SPTBN5: variants seen among roughly 807,000 people sequenced by gnomAD.
The protein encoded by SPTBN5 is spectrin beta, non-erythrocytic 5.
A neutral mutation model predicts 477.6 loss-of-function variants in SPTBN5; 513 were observed. That is an observed-to-expected ratio of 1.07 (90% CI 1.00 to 1.16). The LOEUF is 1.16. Ranked by LOEUF, SPTBN5 falls within the 50% of genes most tolerant of loss-of-function variation. SPTBN5 has a pLI of 0.00. For missense variants in SPTBN5, 5,062 were observed against 4,731.8 expected (o/e 1.07, Z -2.05); for synonymous variants, 2,169 against 2,011.7 (o/e 1.08, Z -2.09).
Position 41,851,295 on chromosome 15 carries a change from C to T in SPTBN5, c.10731G>A (p.Arg3577=). The change falls in exon 64 of 68, where the codon AGG becomes AGA. Residue 3577 remains arginine (R), a synonymous_variant. Transcript: ENST00000320955. The part of the protein sequence containing the change: ...GSSLSLFLDE[R]MAAEKVASIA... ...CCCCGCCTGGTACCTCCGCTGCCAT[C>T]CTCTCATCCAGGAACAGGCTCAGAG... The T allele has an allele frequency of 6.4e-7, 1 of 1,551,276 alleles. No homozygotes were observed. The highest frequency in any genetic ancestry group is 8.7e-7 in the Non-Finnish European group (1 of 1,147,024).
chr15:41,861,951 G>A, intron 44 of SPTBN5, 28 bp from the exon 45 acceptor site: 3 of 1,583,946 alleles, frequency 1.9e-6, no homozygotes, highest in East Asian at 2.3e-5. Context: ...TCAGATCACT[G>A]GGGGCTGGAA....
In SPTBN5 at chr15:41,856,529, C is replaced by T; in HGVS notation, c.8878G>A (p.Val2960Met). Reference protein sequence around the residue: ...RVVLGTGYKLVQAGHFAAHEV... With the variant: ...RVVLGTGYKLMQAGHFAAHEV... Reference sequence around the variant, plus strand: ...TGGGCGGCAAAGTGCCCAGCCTGCACCAGCTTGTACCCAGTGCCCAGCACC... The same window carrying T: ...TGGGCGGCAAAGTGCCCAGCCTGCATCAGCTTGTACCCAGTGCCCAGCACC... The change falls in exon 53 of 68, where the codon GTG (valine) becomes ATG (methionine). Residue 2960 changes from valine to methionine, a missense_variant. Val to Met is a conservative substitution (Grantham distance 21). Coordinates refer to ENST00000320955, the MANE Select transcript of SPTBN5 (RefSeq NM_016642.4). 1 of 1,602,062 alleles carries T rather than the reference C, an allele frequency of 6.2e-7. No individual in the cohort carries two copies. The highest frequency in any genetic ancestry group is 2.3e-5 in the East Asian group (1 of 44,394).
chr15:41,882,756 C>A lies in SPTBN5; in HGVS notation c.1893-18G>T. 6.2e-7 allele frequency: 1 copy of A among 1,603,856 alleles called. No individual in the cohort carries two copies. Among genetic ancestry groups the A allele is most frequent in the Non-Finnish European group, 8.5e-7 (1 of 1,174,962 alleles). On this transcript the variant is annotated intron_variant, in intron 9 of 67. Coordinates refer to ENST00000320955, the MANE Select transcript of SPTBN5 (RefSeq NM_016642.4). The stretch of plus-strand genomic sequence containing the variant: ...GGGCCCGCCTGAGGGACAATAGGGG[C>A]CACCGAAGGACATGGGGAGTCGTGA...
chr15:41,856,510 G>A lies in SPTBN5; in HGVS notation c.8897C>T (p.Ala2966Val), dbSNP rs1437077231. 6.3e-7 allele frequency: 1 copy of A among 1,599,450 alleles called. No homozygotes were observed. The highest frequency in any genetic ancestry group is 2.3e-5 in the East Asian group (1 of 44,120). ...GYKLVQAGHF[A>V]AHEVAARVQQ... is the part of the protein sequence containing the mutation. Reference sequence around the variant, plus strand: ...CACCCGGGCGGCCACCTCGTGGGCGGCAAAGTGCCCAGCCTGCACCAGCTT... The same window carrying A: ...CACCCGGGCGGCCACCTCGTGGGCGACAAAGTGCCCAGCCTGCACCAGCTT... The change falls in exon 53 of 68, where the codon GCC (alanine) becomes GTC (valine). Residue 2966 changes from alanine to valine, a missense_variant. Transcript: ENST00000320955.
intron 7 of SPTBN5, 107 bp from the exon 8 acceptor site, chr15:41,883,593 T>C: frequency 7.3e-7 from 1 of 1,375,412 alleles, no homozygotes; most frequent in Non-Finnish European, 1.0e-6. Context: ...GAGTCTGACC[T>C]CCATGGCTGG....
rs1052643510 is a variant in SPTBN5 at position 41,869,873 on chromosome 15, G to A, written c.5821C>T (p.Arg1941Trp). The A allele has an allele frequency of 3.9e-6, 6 of 1,552,810 alleles. No homozygotes were observed. In the African/African-American group the frequency reaches 5.5e-5, roughly 14 times the overall value. The change falls in exon 32 of 68, where the codon CGG (arginine) becomes TGG (tryptophan). Residue 1941 changes from arginine (R) to tryptophan (W), a missense_variant. By Grantham distance (101) the Arg-to-Trp change is moderately radical. Transcript: ENST00000320955. ...CGGAAGCGGGCCAGGAGGCGTGCCC[G>A]CTCCAGCTGGGCCCTGCGCTGCTCC... ...RMEQRRAQLE[R>W]ARLLARFRTA...
Position 41,877,239 on chromosome 15 carries a change from C to G in SPTBN5, c.3588G>C (p.Leu1196Phe). The G allele has an allele frequency of 6.2e-7, 1 of 1,614,024 alleles. No individual in the cohort carries two copies. Among genetic ancestry groups the G allele is most frequent in the Non-Finnish European group, 8.5e-7 (1 of 1,179,904 alleles). The change falls in exon 18 of 68, where the codon TTG (leucine) becomes TTC (phenylalanine). Residue 1196 changes from leucine (L) to phenylalanine (F), a missense_variant. Transcript: ENST00000320955. ...GCAGCCACTGCTGCCTCTGCTCCCA[C>G]AAAACCTTCAGCTCCTGGCCCTGCT... ...LGQQGQELKVLWEQRQQWLQE... is the reference protein window; with the variant it reads ...LGQQGQELKVFWEQRQQWLQE...
At position 41,877,297 on chromosome 15, in the gene SPTBN5, T is replaced by C. The variant is rs1567218772; in HGVS notation, c.3530A>G (p.Gln1177Arg). Residue 1177 changes from glutamine to arginine, a missense_variant, in exon 18 of 68, where the codon CAA becomes CGA. Transcript: ENST00000320955. Reference sequence around the variant, plus strand: ...GACCCTCAGAGTGTTGGGCACCTCTTGGGAGTCTGGGCAGTCCAAGGCTGC... The same window carrying C: ...GACCCTCAGAGTGTTGGGCACCTCTCGGGAGTCTGGGCAGTCCAAGGCTGC... ...PMAALDCPDSQEVPNTLRVLG... is the reference protein window; with the variant it reads ...PMAALDCPDSREVPNTLRVLG... The C allele has an allele frequency of 2.5e-6, 4 of 1,613,106 alleles. No homozygotes were observed. The highest frequency in any genetic ancestry group is 1.7e-6 in the Non-Finnish European group (2 of 1,179,608).
At chr15:41,861,601 G>T in intron 45 of SPTBN5, 105 bp from the exon 46 acceptor site, 1 of 1,519,646 alleles carries the variant, frequency 6.6e-7, no homozygotes, top group Non-Finnish European at 9.0e-7. Flanking sequence ...GTCCTGGAAG[G>T]CAGGAGTGCT....
In SPTBN5 at chr15:41,855,421, C is replaced by A; in HGVS notation, c.9226G>T (p.Val3076Leu). The change falls in exon 55 of 68, where the codon GTG becomes TTG. Residue 3076 changes from valine to leucine, a missense_variant. Transcript: ENST00000320955. Reference sequence around the variant, plus strand: ...CGAACTGCCTGCAGCTGGGCTAGCACCTTGGGGCTGTGGGAAGAGAGCGAC... The same window carrying A: ...CGAACTGCCTGCAGCTGGGCTAGCAACTTGGGGCTGTGGGAAGAGAGCGAC... Reference protein sequence around the residue: ...ESRKNPESPKVLAQLQAVREA... With the variant: ...ESRKNPESPKLLAQLQAVREA... 1.2e-6 allele frequency: 2 copies of A among 1,602,076 alleles called. No individual in the cohort carries two copies. Among genetic ancestry groups the A allele is most frequent in the Non-Finnish European group, 1.7e-6 (2 of 1,176,078 alleles).
At chr15:41,886,756 A>G (rs1595512792) in intron 6 of SPTBN5, among the ~76,000 whole-genome samples, 1 of 152,120 alleles carries the variant, frequency 6.6e-6, no homozygotes, top group Non-Finnish European at 1.5e-5. Context: ...CAAATGAGAT[A>G]CCCACCTTGA....
Position 41,868,102 on chromosome 15 carries a change from G to T in SPTBN5, c.6174C>A (p.Cys2058Ter). 1 of 1,602,792 alleles carries T rather than the reference G, an allele frequency of 6.2e-7. No homozygotes were observed. Among genetic ancestry groups the T allele is most frequent in the South Asian group, 1.1e-5 (1 of 89,000 alleles). Residue 2058 changes from cysteine (C) to a stop codon, truncating the protein, a stop_gained, in exon 34 of 68, where the codon TGC becomes TGA. Transcript: ENST00000320955. LOFTEE classifies it high-confidence loss of function. ...CCGCGAGGATCTCCTCCAGGCGGCCGCACTCTCTGAGGAAGAGCTGCTCCT... is the reference window on the plus strand; with the variant it reads ...CCGCGAGGATCTCCTCCAGGCGGCCTCACTCTCTGAGGAAGAGCTGCTCCT... Reference protein sequence around the residue: ...EQQEQLFLRECGRLEEILAAQ... With the variant: ...EQQEQLFLRE
rs1157140531 is a variant in SPTBN5, at chr15:41,848,621, G to T, written c.11020C>A (p.Pro3674Thr). 6.2e-7 allele frequency: 1 copy of T among 1,613,818 alleles called. No individual in the cohort carries two copies. Among genetic ancestry groups the T allele is most frequent in the Non-Finnish European group, 8.5e-7 (1 of 1,179,860 alleles). The change falls in exon 68 of 68, where the codon CCC becomes ACC. Residue 3674 changes from proline to threonine, a missense_variant. Physicochemically the swap from Pro to Thr is conservative, Grantham distance 38. Transcript: ENST00000320955. ...GTGTTGCACTGGGGTTCACCTCAGGGATCAGACCTGTTGGGAAAACGGAAT... is the reference window on the plus strand; with the variant it reads ...GTGTTGCACTGGGGTTCACCTCAGGTATCAGACCTGTTGGGAAAACGGAAT... The part of the protein sequence containing the change: ...ARPGCLLRSD[P>T]
Position 41,868,358 on chromosome 15 carries a change from T to G in SPTBN5, c.6057+40A>C, listed in dbSNP as rs767351681. On this transcript the variant is annotated intron_variant, in intron 33 of 67. Coordinates refer to ENST00000320955, the MANE Select transcript of SPTBN5 (RefSeq NM_016642.4). ...ACCAGGTGGCCAGGCACAGGCTTGG[T>G]CAGCTAGGGTATGTGGGGGCACCAG... is the stretch of plus-strand genomic sequence containing the variant. The G allele has an allele frequency of 7.0e-6, 11 of 1,581,072 alleles. No homozygotes were observed. The East Asian group carries it at 2.5e-4, about 36-fold the overall frequency.
chr15:41,877,688 C>G (rs1229355270), intron 17 of SPTBN5, among the ~76,000 whole-genome samples: 1 of 152,148 alleles, frequency 6.6e-6, no homozygotes, highest in Non-Finnish European at 1.5e-5. Context: ...AGAAAAGGTG[C>G]TCCTTTCAGC....
At chr15:41,864,171 C>T (rs1242005614) in intron 39 of SPTBN5, 147 bp from the exon 40 acceptor site, 3 of 681,478 alleles carry the variant, frequency 4.4e-6, no homozygotes, top group Non-Finnish European at 7.3e-6. Context: ...CCTGCCTCCT[C>T]TACTGCGGCA....
Position 41,867,024 on chromosome 15 carries a change from C to T in SPTBN5, c.6415G>A (p.Glu2139Lys), listed in dbSNP as rs370811894. 1.3e-6 allele frequency: 2 copies of T among 1,556,760 alleles called. No individual in the cohort carries two copies. The highest frequency in any genetic ancestry group is 2.4e-5 in the East Asian group (1 of 41,446). Residue 2139 changes from glutamate (E) to lysine (K), a missense_variant, in exon 36 of 68, where the codon GAG (glutamate) becomes AAG (lysine). Transcript: ENST00000320955. ...GCATGCAGGGCGTGTCCCCGGCTCTCCGCCAGCTCCTTCACTCTCATCCGG... is the reference window on the plus strand; with the variant it reads ...GCATGCAGGGCGTGTCCCCGGCTCTTCGCCAGCTCCTTCACTCTCATCCGG... ...QRRMRVKELA[E>K]SRGHALHASL...
intron 49 of SPTBN5, among the ~76,000 whole-genome samples, chr15:41,858,178 A>C (rs1235153602): frequency 6.6e-6 from 1 of 152,128 alleles, no homozygotes; most frequent in Non-Finnish European, 1.5e-5. Flanking sequence ...TGGGCCTGTG[A>C]TCCCAGCTAC....
At position 41,866,370 on chromosome 15, in the gene SPTBN5, C is replaced by T. The variant is rs1305248848; in HGVS notation, c.6604G>A (p.Glu2202Lys). 1 of 1,609,370 alleles carries T rather than the reference C, an allele frequency of 6.2e-7. No individual in the cohort carries two copies. The highest frequency in any genetic ancestry group is 1.7e-5 in the Admixed American group (1 of 59,392). ...TTGGCAACAGAGGTCATGACCTCCT[C>T]ATGGGCCTGGACTTCAGCCTCAAAG... ...QAFEAEVQAHEEVMTSVAKKG... is the reference protein window; with the variant it reads ...QAFEAEVQAHKEVMTSVAKKG... Residue 2202 changes from glutamate (E) to lysine (K), a missense_variant, in exon 37 of 68, where the codon GAG becomes AAG. Physicochemically the swap from Glu to Lys is moderately conservative, Grantham distance 56. Transcript: ENST00000320955.
Sources: gnomAD v4.1 joint callset for allele counts (sites outside exome capture counted in the v4.1 genomes callset) on GRCh38, gnomAD v4.1.1 for gene constraint, MANE v1.5 for transcripts, NCBI Gene and HGNC (gene_info 2026-07-23, HGNC 2026-07-21) for gene names.